The following LRMDA variants were observed in gnomAD, a reference collection of about 807,000 sequenced individuals.
LRMDA encodes the protein leucine-rich melanocyte differentiation-associated protein.
Under a neutral mutation model 29.8 loss-of-function variants are expected in LRMDA, and 18 were observed. The ratio of observed to expected loss-of-function variants is 0.60; its 90% CI spans 0.42 to 0.90. LRMDA has a LOEUF of 0.90. Ranked by LOEUF, LRMDA falls within the 40% of genes least tolerant of loss-of-function variation. The pLI is 0.00. For synonymous variants in LRMDA, 125 were observed against 109.4 expected (o/e 1.14, Z -0.89); for missense variants, 273 against 273.9 (o/e 1.00, Z 0.02).
chr10:76,095,227 A>G (rs1315340505), intron 5 of LRMDA, among the ~76,000 whole-genome samples: 1 of 152,228 alleles, frequency 6.6e-6, no homozygotes, highest in Admixed American at 6.5e-5. Flanking sequence ...AATAAATGGA[A>G]TCATACCATA....
intron 2 of LRMDA, among the ~76,000 whole-genome samples, chr10:75,775,276 G>C (rs747601871): frequency 6.6e-6 from 1 of 152,144 alleles, no homozygotes; most frequent in Non-Finnish European, 1.5e-5. Context: ...ATGGGGTCTT[G>C]CTATGTTGCC....
At chr10:76,446,444 T>C (rs923171271) in intron 6 of LRMDA, among the ~76,000 whole-genome samples, 1 of 152,218 alleles carries the variant, frequency 6.6e-6, no homozygotes, top group African/African-American at 2.4e-5. Flanking sequence ...TGAAACAGAC[T>C]TATTTTCTTG....
chr10:76,097,477 A>G (rs968698809), intron 5 of LRMDA, among the ~76,000 whole-genome samples: 1 of 152,252 alleles, frequency 6.6e-6, no homozygotes, highest in Non-Finnish European at 1.5e-5. Context: ...TAATGCATGC[A>G]GATATCTTTG....
At chr10:75,511,034 C>T (rs1294151554) in intron 2 of LRMDA, among the ~76,000 whole-genome samples, 1 of 152,254 alleles carries the variant, frequency 6.6e-6, no homozygotes, top group Non-Finnish European at 1.5e-5. Flanking sequence ...GGAAGAGCCT[C>T]ACCTTTTATG....
At chr10:76,418,561 C>T (rs1261114878) in intron 6 of LRMDA, among the ~76,000 whole-genome samples, 1 of 151,874 alleles carries the variant, frequency 6.6e-6, no homozygotes, top group Non-Finnish European at 1.5e-5. Context: ...GTTTTCTGTA[C>T]ACAAATCTCC....
intron 6 of LRMDA, among the ~76,000 whole-genome samples, chr10:76,511,000 G>A (rs1843004641): frequency 2.0e-5 from 3 of 152,194 alleles, no homozygotes; most frequent in Non-Finnish European, 2.9e-5. Flanking sequence ...ATAAAGCAGG[G>A]ATGGGAAGTC....
chr10:75,431,806 G>T, intron 1 of LRMDA, 52 bp downstream of exon 1: 1 of 1,301,946 alleles, frequency 7.7e-7, no homozygotes, highest in Non-Finnish European at 9.8e-7. Context: ...GCGTGGGGAG[G>T]GACAGCGGGG....
intron 2 of LRMDA, among the ~76,000 whole-genome samples, chr10:75,631,869 T>C (rs1414676665): frequency 6.6e-6 from 1 of 152,228 alleles, no homozygotes; most frequent in Non-Finnish European, 1.5e-5. Flanking sequence ...GCTGTTTCCA[T>C]TGACCCGCCC....
intron 2 of LRMDA, among the ~76,000 whole-genome samples, chr10:75,633,056 A>G (rs1435555431): frequency 1.3e-5 from 2 of 152,054 alleles, no homozygotes; most frequent in Non-Finnish European, 2.9e-5. Context: ...CAGGCTCAGG[A>G]AACTTCTCTG....
intron 2 of LRMDA, among the ~76,000 whole-genome samples, chr10:75,496,326 A>C (rs1845044184): frequency 6.6e-6 from 1 of 152,204 alleles, no homozygotes; most frequent in South Asian, 2.1e-4. Context: ...AAAAATCTAT[A>C]AAACAGAGCT....
intron 2 of LRMDA, among the ~76,000 whole-genome samples, chr10:76,003,955 G>A (rs1847604561): frequency 6.6e-6 from 1 of 152,168 alleles, no homozygotes; most frequent in African/African-American, 2.4e-5. Flanking sequence ...TAGCCCAGGT[G>A]GGGTTTTTGG....
At chr10:76,380,877 T>G (rs1430561760) in intron 6 of LRMDA, among the ~76,000 whole-genome samples, 1 of 151,760 alleles carries the variant, frequency 6.6e-6, no homozygotes, top group Non-Finnish European at 1.5e-5. Context: ...TATTTTTATT[T>G]AAATAATAAA....
chr10:75,683,912 T>C lies in LRMDA; in HGVS notation c.131+245418T>C, dbSNP rs539124922. ...CCTCTGACTAGGTCTATGTGGGAAG[T>C]TCATTGCAATTCTGGAATGCTGCCT... On this transcript the variant is annotated intron_variant, in intron 2 of 6. Coordinates refer to ENST00000611255, the MANE Select transcript of LRMDA (RefSeq NM_001305581.2). Among the ~76,000 whole-genome samples the C allele has an allele frequency of 1.5e-3, 234 of 152,340 alleles. 2 individuals are homozygous for C. Among genetic ancestry groups the C allele is most frequent in the Non-Finnish European group, 7.3e-4 (50 of 68,038 alleles).
chr10:75,657,600 A>G (rs1011216259), intron 2 of LRMDA, among the ~76,000 whole-genome samples: 2 of 152,158 alleles, frequency 1.3e-5, no homozygotes, highest in Non-Finnish European at 2.9e-5. Flanking sequence ...TCTCATCTGT[A>G]AAATGGGGAT....
chr10:75,552,425 T>TCC lies in LRMDA; in HGVS notation c.131+113938_131+113939dup, dbSNP rs56910833. 9 of 242,030 alleles carry TCC rather than the reference T, an allele frequency of 3.7e-5. No homozygotes were observed. The Middle Eastern group carries it at 1.5e-3, about 39-fold the overall frequency. The allele number at this position is 242,030 out of a possible 1,614,324, so 15.0% of individuals were successfully genotyped here. On this transcript the variant is annotated intron_variant, in intron 2 of 6. Coordinates refer to ENST00000611255, the MANE Select transcript of LRMDA (RefSeq NM_001305581.2). ...AGCTTTGTTCTGTGTTTTTTTTTTT[T>TCC]CCCCCCCCTCTGGCTGCTTTCAGAA...
intron 5 of LRMDA, among the ~76,000 whole-genome samples, chr10:76,097,577 G>C (rs1016472147): frequency 1.3e-5 from 2 of 152,282 alleles, no homozygotes; most frequent in Admixed American, 1.3e-4. Flanking sequence ...TCCTCTATCA[G>C]ATTGAAGATG....
intron 6 of LRMDA, among the ~76,000 whole-genome samples, chr10:76,363,176 A>AGAAAGAAAGAAGGAG (rs1459442138): frequency 9.2e-5 from 2 of 21,750 alleles, no homozygotes; most frequent in Non-Finnish European, 2.3e-4. Context: ...AAAGAAAGAA[A>AGAAAGAAAGAAGGAG]GGAGGGAGGG....
intron 6 of LRMDA, among the ~76,000 whole-genome samples, chr10:76,337,045 G>C (rs1183546664): frequency 1.3e-5 from 2 of 152,092 alleles, no homozygotes; most frequent in Non-Finnish European, 2.9e-5. Flanking sequence ...AGGTTAGATA[G>C]GGCAGTGAAT....
rs779988591 is a variant in LRMDA at position 76,335,817 on chromosome 10, CAG to C, written c.601+11338_601+11339del. On this transcript the variant is annotated intron_variant, in intron 6 of 6. Transcript: ENST00000611255. ...GATGAAGCCTACAGGTAGCAGGCTT[CAG>C]AGAGAATAGATTGTAAATATTTCTT... Among the ~76,000 whole-genome samples, 11 of 152,278 alleles carry C rather than the reference CAG, an allele frequency of 7.2e-5. No individual in the cohort carries two copies. The East Asian group carries it at 1.5e-3, about 21-fold the overall frequency.
Sources: gnomAD v4.1 joint callset for allele counts (sites outside exome capture counted in the v4.1 genomes callset) on GRCh38, gnomAD v4.1.1 for gene constraint, MANE v1.5 for transcripts, NCBI Gene and HGNC (gene_info 2026-07-23, HGNC 2026-07-21) for gene names.